The following HCN2 variants were observed in gnomAD, a reference collection of about 807,000 sequenced individuals.
The protein encoded by HCN2 is hyperpolarization activated cyclic nucleotide gated potassium and sodium channel 2, also known as potassium/sodium hyperpolarization-activated cyclic nucleotide-gated channel 2.
A neutral mutation model predicts 52.3 loss-of-function variants in HCN2; 20 were observed. The observed-to-expected ratio is 0.38, with a 90% confidence interval of 0.27 to 0.56. HCN2 has a LOEUF of 0.56. Ranked by LOEUF, HCN2 falls within the 20% of genes least tolerant of loss-of-function variation. The pLI is 0.71. For missense variants in HCN2, 981 were observed against 1,207.7 expected (o/e 0.81, Z 2.78); for synonymous variants, 694 against 537.0 (o/e 1.29, Z -4.04).
At chr19:593,467 A>T (rs1982932444) in intron 1 of HCN2, among the ~76,000 whole-genome samples, 1 of 152,120 alleles carries the variant, frequency 6.6e-6, no homozygotes, top group Non-Finnish European at 1.5e-5. Flanking sequence ...TAAAAATGCA[A>T]AAATTAGCTG....
intron 7 of HCN2, 114 bp from the exon 8 acceptor site, chr19:615,681 C>T (rs1284460492): frequency 4.1e-6 from 4 of 968,892 alleles, no homozygotes; most frequent in Non-Finnish European, 6.5e-6. Flanking sequence ...TAAATGCATG[C>T]TTGCTCTACA....
intron 1 of HCN2, among the ~76,000 whole-genome samples, chr19:598,109 C>T (rs923458336): frequency 2.3e-4 from 35 of 152,148 alleles, no homozygotes; most frequent in Admixed American, 6.5e-4. Context: ...CAGCGGCAGG[C>T]GGGTGGCATC....
At chr19:602,012 G>A (rs976358812) in intron 1 of HCN2, among the ~76,000 whole-genome samples, 5 of 151,278 alleles carry the variant, frequency 3.3e-5, no homozygotes, top group African/African-American at 4.9e-5. Context: ...CGGCTCGGCC[G>A]TTCCTCCCAC....
chr19:602,774 G>A (rs1983250467), intron 1 of HCN2, among the ~76,000 whole-genome samples: 1 of 152,198 alleles, frequency 6.6e-6, no homozygotes, highest in Admixed American at 6.5e-5. Context: ...GCCACCTCTT[G>A]GGCCTTGTGA....
In HCN2 at chr19:603,811, C is replaced by T. The variant is rs761255780; in HGVS notation, c.900C>T (p.Pro300=). ...TGGTGGACTTCGTGTCCTCCATCCC[C>T]GTGGACTACATCTTCCTTATCGTGG... ...WFVVDFVSSI[P]VDYIFLIVEK... is the part of the protein sequence containing the mutation. Residue 300 remains proline, a synonymous_variant, in exon 2 of 8, where the codon CCC becomes CCT. Transcript: ENST00000251287. The T allele has an allele frequency of 7.4e-6, 12 of 1,612,812 alleles. No homozygotes were observed. The South Asian group carries it at 8.8e-5, about 12-fold the overall frequency.
chr19:599,842 G>T (rs1242194182), intron 1 of HCN2, among the ~76,000 whole-genome samples: 4 of 144,288 alleles, frequency 2.8e-5, no homozygotes, highest in Non-Finnish European at 6.0e-5. Flanking sequence ...GATGGGAAGG[G>T]GTCCCGTGTG....
intron 4 of HCN2, among the ~76,000 whole-genome samples, chr19:609,303 C>G (rs1225349576): frequency 2.0e-5 from 3 of 152,224 alleles, no homozygotes; most frequent in African/African-American, 7.2e-5. Flanking sequence ...GCCCAGCACC[C>G]ACGCTCCCTT....
intron 5 of HCN2, among the ~76,000 whole-genome samples, chr19:610,649 G>A (rs151147280): frequency 0.018 from 2,721 of 152,328 alleles, 49 homozygotes; most frequent in Non-Finnish European, 0.029. Context: ...GTCTGTGCCT[G>A]ACAGGGCGGG....
Position 590,668 on chromosome 19 carries a change from G to C in HCN2, c.632+91G>C. The C allele has an allele frequency of 9.5e-7, 1 of 1,054,154 alleles. No individual in the cohort carries two copies. Among genetic ancestry groups the C allele is most frequent in the Non-Finnish European group, 1.2e-6 (1 of 827,872 alleles). 65.3% of individuals were successfully genotyped at this position (1,054,154 alleles called of 1,614,324 possible). A position where few individuals can be genotyped will look rare whatever the true frequency, so the allele number is the denominator to read the frequency against. On this transcript the variant is annotated intron_variant, in intron 1 of 7. Transcript: ENST00000251287. The surrounding 1 kb of genome is among the most constrained non-coding windows in gnomAD (Gnocchi z 7.2). ...CCTTGGAGCGCCTGGGGAGGGCGGG[G>C]CGGCGCGCCGGGCCGGTGACCTCGG...
chr19:590,414 G>T lies in HCN2; in HGVS notation c.469G>T (p.Gly157Cys), dbSNP rs1982833747. Residue 157 changes from glycine to cysteine, a missense_variant, in exon 1 of 8, where the codon GGC becomes TGC. Gly to Cys is a radical substitution (Grantham distance 159). This residue lies in a region of HCN2 where 215 missense variants were observed against 179.4 expected (regional missense o/e 1.20). Coordinates refer to ENST00000251287, the MANE Select transcript of HCN2 (RefSeq NM_001194.4). This position sits in a 1 kb window ranked among gnomAD's most constrained non-coding sequence, Gnocchi z 7.2. Reference protein sequence around the residue: ...EEAGPAGEPRGSQASFMQRQF... With the variant: ...EEAGPAGEPRCSQASFMQRQF... ...GGCGGGCCCGGCGGGGGAGCCGCGC[G>T]GCAGCCAGGCCAGCTTCATGCAGCG... 8.0e-6 allele frequency: 11 copies of T among 1,376,612 alleles called. No individual in the cohort carries two copies. Among genetic ancestry groups the T allele is most frequent in the Non-Finnish European group, 1.0e-5 (11 of 1,051,252 alleles). The allele number at this position is 1,376,612 out of a possible 1,614,324, so 85.3% of individuals were successfully genotyped here. A position where few individuals can be genotyped will look rare whatever the true frequency, so the allele number is the denominator to read the frequency against.
chr19:612,905 C>A (rs1387011698), intron 5 of HCN2, among the ~76,000 whole-genome samples: 1 of 151,734 alleles, frequency 6.6e-6, no homozygotes, highest in Non-Finnish European at 1.5e-5. Flanking sequence ...GTCTAGAACT[C>A]CTGGGCTCAA....
intron 5 of HCN2, among the ~76,000 whole-genome samples, chr19:612,427 T>TGTGAGAGAGAGA: frequency 2.2e-4 from 32 of 142,252 alleles, no homozygotes; most frequent in African/African-American, 8.4e-4. Flanking sequence ...TGTGTGTGTG[T>TGTGAGAGAGAGA]GAGAGAGAGA....
intron 4 of HCN2, among the ~76,000 whole-genome samples, chr19:609,166 C>T (rs778763632): frequency 6.6e-6 from 1 of 152,322 alleles, no homozygotes. Flanking sequence ...AAGCTGGTGC[C>T]ACCACCCGCC....
At chr19:603,452 G>A (rs1282199574) in intron 1 of HCN2, 92 bp from the exon 2 acceptor site, 13 of 953,984 alleles carry the variant, frequency 1.4e-5, no homozygotes, top group Admixed American at 2.6e-5. Flanking sequence ...AGGTGTGGGC[G>A]CCCCTCGTCC....
intron 2 of HCN2, 25 bp from the exon 3 acceptor site, chr19:605,036 G>T (rs944515233): frequency 1.9e-5 from 31 of 1,602,648 alleles, no homozygotes; most frequent in Non-Finnish European, 2.6e-5. Flanking sequence ...AGCGGGTAGG[G>T]TGGGCTCACG....
At position 605,099 on chromosome 19, in the gene HCN2, G is replaced by C. The variant is rs1193222497; in HGVS notation, c.1095G>C (p.Met365Ile). The change falls in exon 3 of 8, where the codon ATG (methionine) becomes ATC (isoleucine). Residue 365 changes from methionine (M) to isoleucine (I), a missense_variant. Coordinates refer to ENST00000251287, the MANE Select transcript of HCN2 (RefSeq NM_001194.4). ...CCTATGACCTGGCCAGCGCGGTGATGAGGATCTGCAATCTCATCAGCATGA... is the reference window on the plus strand; with the variant it reads ...CCTATGACCTGGCCAGCGCGGTGATCAGGATCTGCAATCTCATCAGCATGA... ...HMTYDLASAV[M>I]RICNLISMML... 2 of 1,611,864 alleles carry C rather than the reference G, an allele frequency of 1.2e-6. No homozygotes were observed. Among genetic ancestry groups the C allele is most frequent in the Non-Finnish European group, 1.7e-6 (2 of 1,179,538 alleles).
intron 5 of HCN2, among the ~76,000 whole-genome samples, chr19:612,461 G>A: frequency 6.9e-6 from 1 of 145,086 alleles, no homozygotes; most frequent in African/African-American, 2.6e-5. Context: ...TGTCACCCGG[G>A]CTCCAGTGCA....
In HCN2 at chr19:615,831, A is replaced by G. The variant is rs771777244; in HGVS notation, c.2027A>G (p.His676Arg). ...KNSILLHKVQ[H>R]DLNSGVFNNQ... ...TCCATCCTCCTGCACAAGGTGCAGC[A>G]TGACCTCAACTCGGGCGTATTCAAC... Residue 676 changes from histidine (H) to arginine (R), a missense_variant, in exon 8 of 8, where the codon CAT (histidine) becomes CGT (arginine). Physicochemically the swap from His to Arg is conservative, Grantham distance 29. Coordinates refer to ENST00000251287, the MANE Select transcript of HCN2 (RefSeq NM_001194.4). The G allele has an allele frequency of 4.3e-6, 7 of 1,612,660 alleles. No homozygotes were observed. Among genetic ancestry groups the G allele is most frequent in the South Asian group, 1.1e-5 (1 of 90,978 alleles).
At chr19:612,847 T>A in intron 5 of HCN2, among the ~76,000 whole-genome samples, 1 of 130,450 alleles carries the variant, frequency 7.7e-6, no homozygotes, top group East Asian at 2.2e-4. Flanking sequence ...CCTGGCTGTT[T>A]TTTTTTTTTC....
Sources: allele counts gnomAD v4.1 joint callset (sites outside exome capture counted in the v4.1 genomes callset), GRCh38; gene constraint gnomAD v4.1.1; regional missense constraint gnomAD v4.1.1; non-coding constraint Gnocchi (gnomAD v3.1); transcripts MANE v1.5; gene names NCBI Gene and HGNC (gene_info 2026-07-23, HGNC 2026-07-21).